The following HYDIN variants were observed in gnomAD, a reference collection of about 807,000 sequenced individuals.
The protein encoded by HYDIN is axonemal central pair apparatus protein HYDIN.
In HYDIN, 132 loss-of-function variants were observed where a neutral mutation model predicts 403.9. That is an observed-to-expected ratio of 0.33 (90% confidence interval 0.28 to 0.38). The LOEUF (loss-of-function observed/expected upper bound fraction) is 0.38, where lower values mean the gene tolerates loss of function less well. HYDIN is among the 10% of genes least tolerant of loss of function. The pLI, the probability that HYDIN is intolerant of heterozygous loss-of-function variation, is 1.00. For synonymous variants in HYDIN, 1,202 were observed against 1,891.7 expected (o/e 0.64, Z 9.46); for missense variants, 2,827 against 5,009.5 (o/e 0.56, Z 13.15).
intron 23 of HYDIN, among the ~76,000 whole-genome samples, chr16:71,004,314 CAAAAAAAAA>C (rs11383182): frequency 1.1e-5 from 1 of 88,210 alleles, no homozygotes; most frequent in South Asian, 3.7e-4. Context: ...AACTCCATTT[CAAAAAAAAA>C]AAAAAAAAAG....
chr16:71,150,521 G>A (rs1442821897), intron 7 of HYDIN, among the ~76,000 whole-genome samples: 10 of 151,834 alleles, frequency 6.6e-5, no homozygotes, highest in South Asian at 2.1e-4. Context: ...AATGACACAC[G>A]GCCTCTACAT....
At chr16:70,915,259 T>G (rs1451395632) in intron 47 of HYDIN, among the ~76,000 whole-genome samples, 1 of 152,180 alleles carries the variant, frequency 6.6e-6, no homozygotes, top group African/African-American at 2.4e-5. Context: ...TCCTTCTTAT[T>G]TGGGTAGGCT....
intron 43 of HYDIN, 127 bp from the exon 44 acceptor site, chr16:70,938,882 T>A: frequency 1.5e-6 from 1 of 671,022 alleles, no homozygotes; most frequent in South Asian, 1.8e-5. Context: ...TCATCCCTGA[T>A]TGCAGGGGTG....
At chr16:71,194,256 C>A (rs148946840) in intron 1 of HYDIN, among the ~76,000 whole-genome samples, 2,474 of 151,952 alleles carry the variant, frequency 0.016, 143 homozygotes, top group East Asian at 0.16. Context: ...ACTAAAAATA[C>A]AAAAATTAGC....
chr16:71,067,075 C>G, intron 15 of HYDIN: 1 of 612,170 alleles, frequency 1.6e-6, no homozygotes, highest in South Asian at 2.0e-5. Context: ...TCTGCCTAAA[C>G]TCTACAAAAC....
intron 5 of HYDIN, among the ~76,000 whole-genome samples, chr16:71,171,367 CT>C (rs2086456150): frequency 6.6e-6 from 1 of 152,184 alleles, no homozygotes; most frequent in African/African-American, 2.4e-5. Context: ...TCCCTACCCC[CT>C]ACTATGTCAA....
At chr16:70,890,687 T>C (rs1343135397) in intron 57 of HYDIN, among the ~76,000 whole-genome samples, 1 of 150,838 alleles carries the variant, frequency 6.6e-6, no homozygotes, top group East Asian at 1.9e-4. Flanking sequence ...GGCAGCCCAG[T>C]AGAAGCCAAA....
At chr16:70,894,126 C>T (rs1441165160) in intron 55 of HYDIN, 15 of 236,924 alleles carry the variant, frequency 6.3e-5, no homozygotes, top group Non-Finnish European at 4.9e-5. Flanking sequence ...CATTCCCAGA[C>T]ACCTATGGTT....
chr16:71,214,440 A>C (rs929723393), intron 1 of HYDIN, among the ~76,000 whole-genome samples: 1 of 152,338 alleles, frequency 6.6e-6, no homozygotes, highest in Middle Eastern at 3.4e-3. Flanking sequence ...CAAGAATAAC[A>C]AAGATTATAT....
At chr16:71,188,084 A>T (rs961662194) in intron 1 of HYDIN, among the ~76,000 whole-genome samples, 3 of 152,188 alleles carry the variant, frequency 2.0e-5, no homozygotes, top group African/African-American at 7.2e-5. Context: ...CTTAACCACA[A>T]TAAAAGCCAA....
intron 84 of HYDIN, 119 bp downstream of exon 84, chr16:70,818,223 C>T (rs1433935865): frequency 8.1e-6 from 5 of 613,792 alleles, no homozygotes; most frequent in Non-Finnish European, 1.5e-5. Context: ...CCTCTGCCTT[C>T]CTGACCACTG....
intron 42 of HYDIN, among the ~76,000 whole-genome samples, chr16:70,942,586 T>C (rs2077715919): frequency 6.6e-6 from 1 of 152,274 alleles, no homozygotes; most frequent in Non-Finnish European, 1.5e-5. Flanking sequence ...CCTTACTCAG[T>C]GTTACTCAAA....
At chr16:70,922,530 C>G (rs984040609) in intron 45 of HYDIN, among the ~76,000 whole-genome samples, 7 of 151,992 alleles carry the variant, frequency 4.6e-5, no homozygotes, top group African/African-American at 1.4e-4. Flanking sequence ...TCCACAGATG[C>G]AAAAGATCAA....
intron 18 of HYDIN, among the ~76,000 whole-genome samples, chr16:71,053,859 A>G (rs1375505156): frequency 6.6e-6 from 1 of 152,288 alleles, no homozygotes; most frequent in East Asian, 1.9e-4. Context: ...TATCAAGTAT[A>G]TCTCTTGATT....
intron 9 of HYDIN, among the ~76,000 whole-genome samples, chr16:71,119,986 A>T (rs1233884187): frequency 6.6e-6 from 1 of 151,842 alleles, no homozygotes; most frequent in Admixed American, 6.6e-5. Context: ...ATTTCTGAAA[A>T]TCAAAACATC....
intron 13 of HYDIN, among the ~76,000 whole-genome samples, chr16:71,071,316 G>C (rs1181312646): frequency 6.6e-6 from 1 of 151,176 alleles, no homozygotes; most frequent in African/African-American, 2.4e-5. Context: ...TTGTCAAGAA[G>C]CCTAAAGGAA....
intron 31 of HYDIN, among the ~76,000 whole-genome samples, 184 bp downstream of exon 31, chr16:70,974,952 A>C (rs1178367045): frequency 6.6e-6 from 1 of 152,156 alleles, no homozygotes; most frequent in Admixed American, 6.5e-5. Context: ...TTCTCACTCT[A>C]AGAGGCAGAA....
chr16:71,107,893 A>C (rs949873348), intron 10 of HYDIN, among the ~76,000 whole-genome samples: 38 of 152,210 alleles, frequency 2.5e-4, no homozygotes, highest in African/African-American at 8.9e-4. Context: ...AGCACTAGTC[A>C]CAATAGCAAA....
chr16:71,016,197 G>C (rs1354449234), intron 23 of HYDIN, among the ~76,000 whole-genome samples: 1 of 152,174 alleles, frequency 6.6e-6, no homozygotes, highest in Non-Finnish European at 1.5e-5. Context: ...CCTATGGAAA[G>C]GGAGAAAATA....
Sources: gnomAD v4.1 joint callset for allele counts (sites outside exome capture counted in the v4.1 genomes callset) on GRCh38, gnomAD v4.1.1 for gene constraint, MANE v1.5 for transcripts, NCBI Gene and HGNC (gene_info 2026-07-23, HGNC 2026-07-21) for gene names.